The following ACIN1 variants were observed in gnomAD, a reference collection of about 807,000 sequenced individuals.
The protein encoded by ACIN1 is apoptotic chromatin condensation inducer 1.
Under a neutral mutation model 146.6 loss-of-function variants are expected in ACIN1, and 16 were observed. The observed-to-expected ratio is 0.11, with a 90% CI of 0.07 to 0.17. ACIN1 has a LOEUF of 0.17. Among genes scored for constraint, ACIN1 ranks in the 10% least tolerant of loss-of-function variants. The pLI is 1.00. For synonymous variants in ACIN1, 569 were observed against 582.7 expected, an observed-to-expected ratio of 0.98 and a Z score of 0.34; for missense variants, 1,357 against 1,609.3, an observed-to-expected ratio of 0.84 and a Z score of 2.68.
chr14:23,093,393 T>G, intron 2 of ACIN1, 86 bp downstream of exon 2: 1 of 1,330,556 alleles, frequency 7.5e-7, no homozygotes, highest in Non-Finnish European at 1.1e-6. Context: ...TCATGAGGAC[T>G]TAAGCATCAA....
At chr14:23,084,972 A>C (rs1284581780) in intron 4 of ACIN1, among the ~76,000 whole-genome samples, 1 of 152,192 alleles carries the variant, frequency 6.6e-6, no homozygotes, top group Non-Finnish European at 1.5e-5. Context: ...TTCCTTCACA[A>C]GTATCAGTGA....
chr14:23,059,435 C>G lies in ACIN1; in HGVS notation c.3565G>C (p.Glu1189Gln). 1 of 1,614,026 alleles carries G rather than the reference C, an allele frequency of 6.2e-7. No homozygotes were observed. The highest frequency in any genetic ancestry group is 2.2e-5 in the East Asian group (1 of 44,860). The change falls in exon 19 of 19, where the codon GAG becomes CAG. Residue 1189 changes from glutamate to glutamine, a missense_variant. Glu to Gln is a conservative substitution (Grantham distance 29). This residue lies in a region of ACIN1 where 509 missense variants were observed against 719.6 expected (regional missense o/e 0.71). Transcript: ENST00000605057. Reference protein sequence around the residue: ...KEAERAERAKEREKRRKEQEE... With the variant: ...KEAERAERAKQREKRRKEQEE... ...TGCTCCTTTCGCCGCTTCTCCCGCT[C>G]CTTGGCCCGTTCGGCCCGCTCTGCC...
At chr14:23,085,320 G>A (rs1407921651) in intron 4 of ACIN1, among the ~76,000 whole-genome samples, 1 of 152,196 alleles carries the variant, frequency 6.6e-6, no homozygotes, top group African/African-American at 2.4e-5. Context: ...GGGCGACAGA[G>A]CGAGACTCCA....
chr14:23,095,565 T>C, upstream of ACIN1: 3 of 455,864 alleles, frequency 6.6e-6, no homozygotes, highest in East Asian at 7.8e-5. Flanking sequence ...GCCGCAGTAG[T>C]TGGAGTCTAA....
intron 4 of ACIN1, among the ~76,000 whole-genome samples, chr14:23,088,879 G>A (rs1255600287): frequency 6.6e-6 from 1 of 152,118 alleles, no homozygotes; most frequent in Non-Finnish European, 1.5e-5. Flanking sequence ...TCCTTTGAGT[G>A]TCATGTGAAT....
intron 8 of ACIN1, among the ~76,000 whole-genome samples, chr14:23,070,057 G>T (rs1026338564): frequency 4.6e-5 from 7 of 152,096 alleles, no homozygotes; most frequent in African/African-American, 1.7e-4. Context: ...GAAACGAAGG[G>T]AAGCCCGATT....
At chr14:23,071,363 G>A (rs772945805) in intron 8 of ACIN1, 126 of 1,533,906 alleles carry the variant, frequency 8.2e-5, no homozygotes, top group Non-Finnish European at 1.0e-4. Flanking sequence ...GGAAGGGGAG[G>A]TGGTGGTGGT....
At chr14:23,062,056 G>C (rs1031110826) in intron 16 of ACIN1, 112 bp downstream of exon 16, 6 of 845,932 alleles carry the variant, frequency 7.1e-6, no homozygotes, top group Non-Finnish European at 5.7e-6. Flanking sequence ...CAGGGAAGAA[G>C]AGAAAAGAAC....
chr14:23,095,338 T>G (rs768416152), upstream of ACIN1: 5 of 1,545,364 alleles, frequency 3.2e-6, no homozygotes, highest in South Asian at 2.4e-5. Context: ...TTTCTCGCCC[T>G]GCTTTCAGGC....
intron 9 of ACIN1, chr14:23,069,151 G>A: frequency 1.3e-5 from 14 of 1,041,106 alleles, no homozygotes; most frequent in Non-Finnish European, 1.6e-5. Context: ...TTACCACCAG[G>A]AGAAGCTTGG....
chr14:23,070,786 G>T (rs765787334), intron 8 of ACIN1, among the ~76,000 whole-genome samples: 1 of 152,142 alleles, frequency 6.6e-6, no homozygotes, highest in Non-Finnish European at 1.5e-5. Flanking sequence ...TCAGAGGTCA[G>T]AAGAACCTCC....
intron 8 of ACIN1, chr14:23,071,325 G>C: frequency 1.3e-6 from 2 of 1,511,120 alleles, no homozygotes; most frequent in East Asian, 2.5e-5. Context: ...TTGAGATGTA[G>C]CAACCGGGGA....
chr14:23,085,324 G>A lies in ACIN1; in HGVS notation c.437-3488C>T, dbSNP rs188018392. On this transcript the variant is annotated intron_variant, in intron 4 of 18. Transcript: ENST00000605057. Reference sequence around the variant, plus strand: ...CACTCCAGCCTGGGCGACAGAGCGAGACTCCATCTCAAAAAACAACAACAA... The same window carrying A: ...CACTCCAGCCTGGGCGACAGAGCGAAACTCCATCTCAAAAAACAACAACAA... Among the ~76,000 whole-genome samples, 2 of 152,144 alleles carry A rather than the reference G, an allele frequency of 1.3e-5. 1 individual carries two copies. The highest frequency in any genetic ancestry group is 2.9e-5 in the Non-Finnish European group (2 of 68,034).
chr14:23,092,375 A>G (rs8022912), intron 2 of ACIN1, among the ~76,000 whole-genome samples: 2 of 84,198 alleles, frequency 2.4e-5, no homozygotes, highest in Non-Finnish European at 6.7e-5. Flanking sequence ...TGCTGCACAA[A>G]CCCGGTGTTA....
rs535793071 is a variant in ACIN1, at chr14:23,092,804, G to A, written c.204+675C>T. Among the ~76,000 whole-genome samples the A allele has an allele frequency of 1.3e-4, 20 of 152,308 alleles. No homozygotes were observed. The South Asian group carries it at 4.1e-3, about 32-fold the overall frequency. On this transcript the variant is annotated intron_variant, in intron 2 of 18. Transcript: ENST00000605057. ...AGATCTAATCTAGTTTAAGAGAGGAGTATGAGCCTTGCTTACTTGGGAAAA... is the reference window on the plus strand; with the variant it reads ...AGATCTAATCTAGTTTAAGAGAGGAATATGAGCCTTGCTTACTTGGGAAAA...
chr14:23,063,388 G>A, intron 13 of ACIN1, 48 bp downstream of exon 13: 1 of 1,591,146 alleles, frequency 6.3e-7, no homozygotes, highest in Non-Finnish European at 8.6e-7. Context: ...GAGGTGCTCT[G>A]AGAATTCAGG....
At chr14:23,082,745 T>C (rs1343973356) in intron 4 of ACIN1, among the ~76,000 whole-genome samples, 1 of 147,506 alleles carries the variant, frequency 6.8e-6, no homozygotes, top group Admixed American at 6.8e-5. Context: ...ATGTTTTTCT[T>C]TTTTTTTTTT....
intron 10 of ACIN1, 165 bp from the exon 11 acceptor site, chr14:23,064,653 C>T (rs1390309207): frequency 8.4e-6 from 8 of 949,682 alleles, no homozygotes; most frequent in East Asian, 5.2e-5. Flanking sequence ...AATCCCAGCA[C>T]TTTGGGAGGC....
rs2140160815 is a variant in ACIN1, at chr14:23,080,496, C to T, written c.839G>A (p.Gly280Glu). ...CTCTTCCTGGGATCTTGTAAATCTC[C>T]CTCCTCTCTCTAACACCTCCTGTTC... is the stretch of plus-strand genomic sequence containing the variant. ...SQEQEVLERG[G>E]RFTRSQEEAR... is the part of the protein sequence containing the mutation. Residue 280 changes from glycine to glutamate, a missense_variant, in exon 6 of 19, where the codon GGG (glycine) becomes GAG (glutamate). By Grantham distance (98) the Gly-to-Glu change is moderately conservative (BLOSUM62 -2). Around this residue, in one of 4 missense-constraint regions of ACIN1, gnomAD observed 771 missense variants for 746.6 expected, o/e 1.03. Transcript: ENST00000605057. 2.5e-6 allele frequency: 4 copies of T among 1,614,052 alleles called. No individual in the cohort carries two copies. The highest frequency in any genetic ancestry group is 3.4e-6 in the Non-Finnish European group (4 of 1,180,006).
Sources: gnomAD v4.1 joint callset for allele counts (sites outside exome capture counted in the v4.1 genomes callset) on GRCh38, gnomAD v4.1.1 for gene constraint, gnomAD v4.1.1 regional missense constraint, MANE v1.5 for transcripts, NCBI Gene and HGNC (gene_info 2026-07-23, HGNC 2026-07-21) for gene names.